Variants in FAM120B observed in about 807,000 individuals in gnomAD.
FAM120B encodes constitutive coactivator of peroxisome proliferator-activated receptor gamma.
FAM120B carries 83 observed loss-of-function variants against 96.3 expected under a neutral mutation model. The ratio of observed to expected loss-of-function variants is 0.86; its 90% CI spans 0.72 to 1.03. The LOEUF (loss-of-function observed/expected upper bound fraction) is 1.03. Among genes scored for constraint, FAM120B ranks in the 50% least tolerant of loss-of-function variants. The pLI, the probability that FAM120B is intolerant of heterozygous loss-of-function variation, is 0.00. For missense variants in FAM120B, 1,027 were observed against 1,121.2 expected, an observed-to-expected ratio of 0.92 and a Z score of 1.20; for synonymous variants, 407 against 402.7, an observed-to-expected ratio of 1.01 and a Z score of -0.13.
In FAM120B at chr6:170,391,020, G is replaced by A. The variant is rs775268728; in HGVS notation, c.2498G>A (p.Arg833Gln). The A allele has an allele frequency of 1.8e-5, 29 of 1,613,834 alleles. No individual in the cohort carries two copies. In the Admixed American group the frequency reaches 1.8e-4, roughly 10 times the overall value. Reference sequence around the variant, plus strand: ...CATCTGGTCTGTTTGCAGAGATCTCGGCTCACCAAATTCCACAACCTGAAG... The same window carrying A: ...CATCTGGTCTGTTTGCAGAGATCTCAGCTCACCAAATTCCACAACCTGAAG... ...VEVLLEQNRSRLTKFHNLKAV... is the reference protein window; with the variant it reads ...VEVLLEQNRSQLTKFHNLKAV... Residue 833 changes from arginine to glutamine, a missense_variant, in exon 8 of 11, where the codon CGG (arginine) becomes CAG (glutamine). Arg to Gln is a conservative substitution (Grantham distance 43, BLOSUM62 1). Coordinates refer to ENST00000476287, the MANE Select transcript of FAM120B (RefSeq NM_032448.3).
chr6:170,292,516 T>C (rs946966296), upstream of FAM120B, among the ~76,000 whole-genome samples: 12 of 152,194 alleles, frequency 7.9e-5, no homozygotes, highest in African/African-American at 2.9e-4. The surrounding 1 kb of genome is among the most constrained non-coding windows in gnomAD (Gnocchi z 6.6). Flanking sequence ...CTGGCCACAG[T>C]GTCCTCACTG....
upstream of FAM120B, among the ~76,000 whole-genome samples, chr6:170,301,978 A>G (rs2114981156): frequency 6.6e-6 from 1 of 151,944 alleles, no homozygotes; most frequent in South Asian, 2.1e-4. Context: ...AACTGTTCCA[A>G]CCTCTGCCTG....
At chr6:170,311,536 A>T (rs1269155634) in intron 1 of FAM120B, among the ~76,000 whole-genome samples, 1 of 152,228 alleles carries the variant, frequency 6.6e-6, no homozygotes, top group African/African-American at 2.4e-5. Context: ...TCCTCTGGCC[A>T]CACCTGCCTG....
At chr6:170,344,998 A>T (rs1371477390) in intron 4 of FAM120B, among the ~76,000 whole-genome samples, 1 of 152,188 alleles carries the variant, frequency 6.6e-6, no homozygotes, top group Non-Finnish European at 1.5e-5. Flanking sequence ...GTAGTTGGAC[A>T]CGAGTGTATT....
rs568259711 is a variant in FAM120B at position 170,368,156 on chromosome 6, C to A, written c.2283+9838C>A. 9.2e-5 allele frequency among the ~76,000 whole-genome samples: 14 copies of A among 152,340 alleles called. No homozygotes were observed. The East Asian group carries it at 2.5e-3, about 27-fold the overall frequency. On this transcript the variant is annotated intron_variant, in intron 6 of 10. Transcript: ENST00000476287. ...AGTGGTACCTTAGAGACAGTTCAGTCAAGCACTTTTGTCTTATAGACCAGG... is the reference window on the plus strand; with the variant it reads ...AGTGGTACCTTAGAGACAGTTCAGTAAAGCACTTTTGTCTTATAGACCAGG...
intron 6 of FAM120B, among the ~76,000 whole-genome samples, chr6:170,369,108 A>G (rs1402649310): frequency 6.6e-6 from 1 of 152,230 alleles, no homozygotes; most frequent in Non-Finnish European, 1.5e-5. Context: ...AAGATGACTG[A>G]TGAGTCCCTC....
chr6:170,326,580 G>A (rs1166292273), intron 3 of FAM120B, among the ~76,000 whole-genome samples: 2 of 152,112 alleles, frequency 1.3e-5, no homozygotes, highest in Non-Finnish European at 2.9e-5. Context: ...AATATTGTAG[G>A]TTTTGAGGGC....
chr6:170,331,365 A>G (rs904521691), intron 4 of FAM120B, among the ~76,000 whole-genome samples: 5 of 152,248 alleles, frequency 3.3e-5, no homozygotes, highest in Non-Finnish European at 5.9e-5. Flanking sequence ...CATGACATGA[A>G]CGTGTAATTT....
chr6:170,361,174 C>A (rs1453730013), intron 6 of FAM120B, among the ~76,000 whole-genome samples: 1 of 94,802 alleles, frequency 1.1e-5, no homozygotes, highest in Non-Finnish European at 2.0e-5. Flanking sequence ...TCAAATATAG[C>A]CTTAAAACTA....
intron 4 of FAM120B, among the ~76,000 whole-genome samples, chr6:170,332,531 C>G (rs371198468): frequency 3.9e-5 from 6 of 152,264 alleles, no homozygotes; most frequent in Middle Eastern, 6.8e-3. Flanking sequence ...AACCTTGTCT[C>G]TACTAAAAAT....
rs1785108144 is a variant in FAM120B at position 170,318,861 on chromosome 6, C to A, written c.1471C>A (p.Pro491Thr). ...GCAAGAAGTTTTAATACGGACAGAC[C>A]CTGAATCTAGGCAAGAAATTATGTG... The part of the protein sequence containing the change: ...SRQEVLIRTD[P>T]ESRQEIMCTG... The change falls in exon 2 of 11, where the codon CCT becomes ACT. Residue 491 changes from proline (P) to threonine (T), a missense_variant. By Grantham distance (38) the Pro-to-Thr change is conservative. Coordinates refer to ENST00000476287, the MANE Select transcript of FAM120B (RefSeq NM_032448.3). 6.2e-7 allele frequency: 1 copy of A among 1,613,976 alleles called. No homozygotes were observed. Among genetic ancestry groups the A allele is most frequent in the South Asian group, 1.1e-5 (1 of 91,078 alleles).
intron 6 of FAM120B, among the ~76,000 whole-genome samples, chr6:170,362,965 A>G (rs1788558589): frequency 1.3e-5 from 2 of 152,248 alleles, no homozygotes; most frequent in East Asian, 3.9e-4. Context: ...GATTACAGGC[A>G]GGAGCCACCA....
chr6:170,354,537 G>A (rs1787774019), intron 5 of FAM120B, among the ~76,000 whole-genome samples: 1 of 152,010 alleles, frequency 6.6e-6, no homozygotes. Context: ...AATATCCAGA[G>A]TCTACAAAGA....
chr6:170,364,197 A>G (rs1249435192), intron 6 of FAM120B, among the ~76,000 whole-genome samples: 1 of 152,178 alleles, frequency 6.6e-6, no homozygotes, highest in African/African-American at 2.4e-5. Flanking sequence ...TTCCATATCC[A>G]GGGGCCCTGA....
rs1441494642 is a variant in FAM120B at position 170,363,553 on chromosome 6, C to T, written c.2283+5235C>T. On this transcript the variant is annotated intron_variant, in intron 6 of 10. Transcript: ENST00000476287. The surrounding 1 kb of genome is among the most constrained non-coding windows in gnomAD (Gnocchi z 4.5). ...ATAGAGTGTGATGACTGATCATTGT[C>T]TATGCCAGTAGCAGCTTTTAGTGAA... 1.3e-5 allele frequency among the ~76,000 whole-genome samples: 2 copies of T among 152,236 alleles called. No homozygotes were observed. Among genetic ancestry groups the T allele is most frequent in the African/African-American group, 4.8e-5 (2 of 41,472 alleles).
Position 170,319,120 on chromosome 6 carries a change from TA to T in FAM120B, c.1733del (p.Lys578ArgfsTer19). The T allele has an allele frequency of 6.4e-7, 1 of 1,556,468 alleles. No homozygotes were observed. Among genetic ancestry groups the T allele is most frequent in the Non-Finnish European group, 8.6e-7 (1 of 1,158,530 alleles). The stretch of plus-strand genomic sequence containing the variant: ...ACCATGGTTTCAGACACTGAAATCT[TA>T]AAGGTATGTGTATCTGCCCAGCCAA... Reference protein sequence around the residue: ...QVTMVSDTEILKVARTHHVQA... With the variant: ...QVTMVSDTEIXKVARTHHVQA... On this transcript the variant is annotated frameshift_variant, in exon 2 of 11. Coordinates refer to ENST00000476287, the MANE Select transcript of FAM120B (RefSeq NM_032448.3). LOFTEE classifies it high-confidence loss of function.
chr6:170,358,016 A>G (rs1788072669), intron 5 of FAM120B, among the ~76,000 whole-genome samples: 1 of 151,148 alleles, frequency 6.6e-6, no homozygotes, highest in African/African-American at 2.5e-5. Flanking sequence ...ATGTGTGCCC[A>G]TGTGTGTGTG....
At chr6:170,391,161 T>C (rs1204329418) in intron 8 of FAM120B, 40 bp downstream of exon 8, 1 of 1,372,228 alleles carries the variant, frequency 7.3e-7, no homozygotes, top group Non-Finnish European at 1.0e-6. Flanking sequence ...CCCACAAGCG[T>C]AGACCCTAAC....
At chr6:170,339,886 A>C (rs1030164192) in intron 4 of FAM120B, among the ~76,000 whole-genome samples, 1 of 151,250 alleles carries the variant, frequency 6.6e-6, no homozygotes, top group African/African-American at 2.4e-5. Context: ...TTCCCTTTGT[A>C]GGTAACCTGA....
Sources: gnomAD v4.1 joint callset for allele counts (sites outside exome capture counted in the v4.1 genomes callset) on GRCh38, gnomAD v4.1.1 for gene constraint, Gnocchi (gnomAD v3.1) non-coding constraint, MANE v1.5 for transcripts, NCBI Gene and HGNC (gene_info 2026-07-23, HGNC 2026-07-21) for gene names.